The following IL1RAPL1 variants were observed in gnomAD, a reference collection of about 807,000 sequenced individuals.
IL1RAPL1 encodes interleukin-1 receptor accessory protein-like 1.
A neutral mutation model predicts 48.4 loss-of-function variants in IL1RAPL1; 3 were observed. The observed-to-expected ratio is 0.06, with a 90% CI of 0.03 to 0.16. The LOEUF is 0.16. Ranked by LOEUF, IL1RAPL1 falls within the 10% of genes least tolerant of loss-of-function variation. The pLI is 1.00. For synonymous variants in IL1RAPL1, 185 were observed against 187.7 expected, an observed-to-expected ratio of 0.99 and a Z score of 0.12; for missense variants, 349 against 530.6, an observed-to-expected ratio of 0.66 and a Z score of 3.36.
At chrX:28,837,934 T>C (rs1331933117) in intron 2 of IL1RAPL1, among the ~76,000 whole-genome samples, 1 of 109,556 alleles carries the variant, frequency 9.1e-6, no homozygotes, top group Non-Finnish European at 1.9e-5. Context: ...CAATAAAATG[T>C]TCTCCCCATA....
At chrX:29,695,383 C>T (rs1001553117) in intron 6 of IL1RAPL1, among the ~76,000 whole-genome samples, 5 of 111,275 alleles carry the variant, frequency 4.5e-5, no homozygotes, top group Non-Finnish European at 9.4e-5. Context: ...GTACTTTGGT[C>T]TCCAGTTATA....
At position 29,567,556 on chromosome X, in the gene IL1RAPL1, A is replaced by G. The variant is rs189338869; in HGVS notation, c.704-100874A>G. On this transcript the variant is annotated intron_variant, in intron 5 of 10. Transcript: ENST00000378993. ...ATTTCCAGTAATTTTCCTTTTGAGA[A>G]CAAATAAAGTAAGGAAAATCTTTAC... Among the ~76,000 whole-genome samples the G allele has an allele frequency of 2.7e-5, 3 of 111,945 alleles. No individual in the cohort carries two copies. The East Asian group carries it at 8.4e-4, about 31-fold the overall frequency.
At chrX:29,508,217 G>A (rs1392957660) in intron 5 of IL1RAPL1, among the ~76,000 whole-genome samples, 1 of 111,335 alleles carries the variant, frequency 9.0e-6, no homozygotes, top group African/African-American at 3.3e-5. Flanking sequence ...GAAATAAGTG[G>A]ATTCCTGATC....
At chrX:29,528,337 C>G (rs1234429317) in intron 5 of IL1RAPL1, among the ~76,000 whole-genome samples, 2 of 112,301 alleles carry the variant, frequency 1.8e-5, no homozygotes, top group Non-Finnish European at 3.8e-5. Context: ...TAATGAGGAT[C>G]TCTTGATGAA....
intron 2 of IL1RAPL1, among the ~76,000 whole-genome samples, chrX:29,093,824 C>T (rs1042056320): frequency 2.7e-5 from 3 of 111,326 alleles, no homozygotes; most frequent in African/African-American, 9.8e-5. Context: ...TTAGATGCTA[C>T]AGGTCTGCTG....
intron 6 of IL1RAPL1, among the ~76,000 whole-genome samples, chrX:29,759,422 T>C (rs1481170026): frequency 1.0e-5 from 1 of 99,739 alleles, no homozygotes; most frequent in Non-Finnish European, 2.1e-5. Context: ...ATCTGTACCA[T>C]AGTTCTTTTT....
chrX:29,564,053 C>T (rs1357624544), intron 5 of IL1RAPL1, among the ~76,000 whole-genome samples: 4 of 111,464 alleles, frequency 3.6e-5, no homozygotes, highest in Non-Finnish European at 1.9e-5. Flanking sequence ...ATCTTATTCT[C>T]ATCAGGAGTT....
At chrX:28,673,859 G>GT (rs757157318) in intron 1 of IL1RAPL1, among the ~76,000 whole-genome samples, 1 of 111,761 alleles carries the variant, frequency 8.9e-6, no homozygotes, top group Non-Finnish European at 1.9e-5. Context: ...GATGGATGTT[G>GT]TTTATTTCAC....
At chrX:28,682,699 A>G (rs1452326687) in intron 1 of IL1RAPL1, among the ~76,000 whole-genome samples, 1 of 112,018 alleles carries the variant, frequency 8.9e-6, no homozygotes, top group African/African-American at 3.2e-5. Context: ...TTTTCTTACT[A>G]TTTACAAAAT....
intron 5 of IL1RAPL1, among the ~76,000 whole-genome samples, chrX:29,471,718 C>A (rs938887145): frequency 1.8e-5 from 2 of 111,221 alleles, no homozygotes; most frequent in Non-Finnish European, 3.8e-5. Context: ...TTCCCCCTCC[C>A]CCTAGGCCCT....
At chrX:29,633,482 C>CAA (rs1410683254) in intron 5 of IL1RAPL1, among the ~76,000 whole-genome samples, 2 of 109,111 alleles carry the variant, frequency 1.8e-5, no homozygotes, top group African/African-American at 3.4e-5. Flanking sequence ...CACACACACA[C>CAA]ACACACACAC....
intron 2 of IL1RAPL1, among the ~76,000 whole-genome samples, chrX:29,092,691 T>TA (rs892973843): frequency 8.9e-6 from 1 of 111,905 alleles, no homozygotes; most frequent in Non-Finnish European, 1.9e-5. Flanking sequence ...TCTTCAGGAT[T>TA]AAAAAAATAT....
chrX:29,927,440 C>T (rs1190522455), intron 8 of IL1RAPL1, among the ~76,000 whole-genome samples: 1 of 111,452 alleles, frequency 9.0e-6, no homozygotes, highest in South Asian at 3.8e-4. Flanking sequence ...GGTTCATTGC[C>T]CTCACACTCT....
chrX:29,062,289 C>T (rs1927358665), intron 2 of IL1RAPL1, among the ~76,000 whole-genome samples: 1 of 112,129 alleles, frequency 8.9e-6, no homozygotes, highest in Non-Finnish European at 1.9e-5. Flanking sequence ...TTCTGTTTTG[C>T]TAAAAAGACC....
At chrX:29,095,575 T>C (rs923125715) in intron 2 of IL1RAPL1, among the ~76,000 whole-genome samples, 60 of 111,700 alleles carry the variant, frequency 5.4e-4, no homozygotes, top group African/African-American at 1.9e-3. Context: ...AATTTATCTA[T>C]TTTAAGTTAA....
At chrX:28,971,733 A>G (rs1486368737) in intron 2 of IL1RAPL1, among the ~76,000 whole-genome samples, 4 of 111,404 alleles carry the variant, frequency 3.6e-5, no homozygotes, top group Non-Finnish European at 7.5e-5. Context: ...TGTGTGTTCA[A>G]GAGGAAGGTA....
At chrX:29,490,852 GTATATATATATATTC>G (rs1935151784) in intron 5 of IL1RAPL1, among the ~76,000 whole-genome samples, 2 of 93,663 alleles carry the variant, frequency 2.1e-5, no homozygotes, top group African/African-American at 1.0e-4. Flanking sequence ...GTGTGTGTGT[GTATATATATATATTC>G]TGAGTGTGTA....
At chrX:29,021,566 T>C (rs943738294) in intron 2 of IL1RAPL1, among the ~76,000 whole-genome samples, 2 of 112,178 alleles carry the variant, frequency 1.8e-5, no homozygotes, top group African/African-American at 6.5e-5. Flanking sequence ...CGTTTTATTG[T>C]TCCCTGTTTA....
chrX:29,688,728 T>TTCTCTCTCTCTC (rs71811113), intron 6 of IL1RAPL1, among the ~76,000 whole-genome samples: 1 of 74,786 alleles, frequency 1.3e-5, no homozygotes, highest in Admixed American at 1.7e-4. Flanking sequence ...TCAGGGTTGC[T>TTCTCTCTCTCTC]TCTCTCTCTC....
Sources: allele counts gnomAD v4.1 joint callset (sites outside exome capture counted in the v4.1 genomes callset), GRCh38; gene constraint gnomAD v4.1.1; transcripts MANE v1.5; gene names NCBI Gene and HGNC (gene_info 2026-07-23, HGNC 2026-07-21).